The following HYCC1 variants were observed in gnomAD, a reference collection of about 807,000 sequenced individuals.
The protein encoded by HYCC1 is hyccin.
chr7:22,930,874 T>C, the HYCC1 span, among the ~76,000 whole-genome samples: 1 of 152,018 alleles, frequency 6.6e-6, no homozygotes, highest in Non-Finnish European at 1.5e-5. Context: ...ATAGAATAAA[T>C]GACAAAAACT....
chr7:22,993,367 A>C, the HYCC1 span, among the ~76,000 whole-genome samples: 1 of 152,188 alleles, frequency 6.6e-6, no homozygotes, highest in Non-Finnish European at 1.5e-5. Context: ...GCACAAAAGC[A>C]CTAATCACAA....
At chr7:22,930,035 CT>C in the HYCC1 span, among the ~76,000 whole-genome samples, 2 of 151,850 alleles carry the variant, frequency 1.3e-5, no homozygotes, top group Non-Finnish European at 2.9e-5. Context: ...AGTTCATGTC[CT>C]TTGTAGGGAC....
At chr7:22,950,869 A>C in the HYCC1 span, among the ~76,000 whole-genome samples, 1 of 151,670 alleles carries the variant, frequency 6.6e-6, no homozygotes, top group Non-Finnish European at 1.5e-5. Flanking sequence ...ATGCAAATGG[A>C]GTCATGATTA....
chr7:23,003,545 C>T, the HYCC1 span, among the ~76,000 whole-genome samples: 1 of 152,198 alleles, frequency 6.6e-6, no homozygotes, highest in Non-Finnish European at 1.5e-5. Context: ...CTCTCCCAAA[C>T]ATAACAGCAT....
chr7:22,967,509 C>A, the HYCC1 span, among the ~76,000 whole-genome samples: 1 of 152,152 alleles, frequency 6.6e-6, no homozygotes, highest in Non-Finnish European at 1.5e-5. Flanking sequence ...TTATAACCTG[C>A]TAGGTTTTAC....
the HYCC1 span, among the ~76,000 whole-genome samples, chr7:22,900,802 T>G: frequency 6.6e-6 from 1 of 152,092 alleles, no homozygotes; most frequent in Non-Finnish European, 1.5e-5. Context: ...CTAAACACAT[T>G]AAAAAGCAAA....
the HYCC1 span, among the ~76,000 whole-genome samples, chr7:22,979,879 G>A: frequency 2.0e-5 from 3 of 152,126 alleles, no homozygotes; most frequent in Admixed American, 2.0e-4. Flanking sequence ...ATTGCAACAA[G>A]ATTAGATGAA....
the HYCC1 span, chr7:22,942,094 C>T: frequency 1.3e-5 from 2 of 152,150 alleles, no homozygotes; most frequent in African/African-American, 4.8e-5. Context: ...CAGAGTACAT[C>T]TGTTCTCTGT....
At chr7:22,908,309 A>G in the HYCC1 span, among the ~76,000 whole-genome samples, 1 of 152,168 alleles carries the variant, frequency 6.6e-6, no homozygotes, top group Non-Finnish European at 1.5e-5. Flanking sequence ...TTTTAGTCTG[A>G]CTTCCACTAT....
the HYCC1 span, among the ~76,000 whole-genome samples, chr7:22,952,589 T>G: frequency 1.7e-4 from 26 of 152,064 alleles, no homozygotes; most frequent in East Asian, 5.0e-3. Context: ...AAGTCTGGAT[T>G]TTATTGTGAT....
chr7:22,965,131 T>TA, the HYCC1 span, among the ~76,000 whole-genome samples: 189 of 133,836 alleles, frequency 1.4e-3, no homozygotes, highest in South Asian at 1.2e-3. Flanking sequence ...GAGATTCCAT[T>TA]AAAAAAAAAA....
the HYCC1 span, among the ~76,000 whole-genome samples, chr7:22,994,429 G>A: frequency 5.3e-5 from 8 of 152,142 alleles, no homozygotes; most frequent in African/African-American, 1.7e-4. Flanking sequence ...CTATCTTGTC[G>A]GTTCTGATAA....
At chr7:22,982,001 A>G in the HYCC1 span, among the ~76,000 whole-genome samples, 2 of 152,248 alleles carry the variant, frequency 1.3e-5, no homozygotes, top group Non-Finnish European at 2.9e-5. Flanking sequence ...CCAATCATAA[A>G]TTTATCCTAC....
chr7:22,917,006 C>G, the HYCC1 span, among the ~76,000 whole-genome samples: 1 of 152,210 alleles, frequency 6.6e-6, no homozygotes, highest in Non-Finnish European at 1.5e-5. Context: ...AAACTCTTCT[C>G]AAGGTCGCTT....
chr7:22,897,473 T>C, the HYCC1 span, among the ~76,000 whole-genome samples: 1 of 152,182 alleles, frequency 6.6e-6, no homozygotes, highest in Non-Finnish European at 1.5e-5. Flanking sequence ...TAATGATGAC[T>C]GTGGCAAGGG....
At chr7:22,907,173 G>A in the HYCC1 span, among the ~76,000 whole-genome samples, 7 of 149,578 alleles carry the variant, frequency 4.7e-5, no homozygotes, top group African/African-American at 1.7e-4. Flanking sequence ...CCTGGCCCAG[G>A]CTGGTTCGGG....
chr7:22,996,708 A>T, the HYCC1 span, among the ~76,000 whole-genome samples: 2 of 151,920 alleles, frequency 1.3e-5, no homozygotes, highest in African/African-American at 2.4e-5. Context: ...CAAAAAGCAA[A>T]CTGGCCACAA....
At chr7:23,008,115 C>A in the HYCC1 span, among the ~76,000 whole-genome samples, 10 of 152,036 alleles carry the variant, frequency 6.6e-5, no homozygotes, top group African/African-American at 9.7e-5. Context: ...AAGACAAAAT[C>A]ATTCACGCGC....
At chr7:22,994,781 T>G in the HYCC1 span, among the ~76,000 whole-genome samples, 34 of 152,282 alleles carry the variant, frequency 2.2e-4, no homozygotes, top group Non-Finnish European at 4.1e-4. Flanking sequence ...ACTGTCTGCT[T>G]TAGGTCCACC....
Sources: gnomAD v4.1 joint callset for allele counts (sites outside exome capture counted in the v4.1 genomes callset) on GRCh38, gnomAD v4.1.1 for gene constraint, MANE v1.5 for transcripts, NCBI Gene and HGNC (gene_info 2026-07-23, HGNC 2026-07-21) for gene names.